MTDH: variants seen among roughly 807,000 people sequenced by gnomAD.
MTDH encodes metadherin, also known as protein LYRIC.
MTDH carries 34 observed loss-of-function variants against 72.7 expected under a neutral mutation model. The ratio of observed to expected loss-of-function variants is 0.47; its 90% CI spans 0.36 to 0.62. MTDH has a LOEUF of 0.62. Among genes scored for constraint, MTDH ranks in the 20% least tolerant of loss-of-function variants. MTDH has a pLI of 0.00. For synonymous variants in MTDH, 266 were observed against 268.9 expected (o/e 0.99, Z 0.10); for missense variants, 677 against 699.4 (o/e 0.97, Z 0.36).
chr8:97,672,493 A>C (rs1179343611), intron 2 of MTDH, among the ~76,000 whole-genome samples: 1 of 152,196 alleles, frequency 6.6e-6, no homozygotes, highest in Non-Finnish European at 1.5e-5. Flanking sequence ...CTTTAAGGTA[A>C]ACAAAGCTAC....
chr8:97,672,309 T>G (rs1225260181), intron 2 of MTDH, among the ~76,000 whole-genome samples: 1 of 152,190 alleles, frequency 6.6e-6, no homozygotes, highest in Non-Finnish European at 1.5e-5. Flanking sequence ...TCCCCCTTCC[T>G]GAACCTATTA....
chr8:97,687,946 A>C (rs933539916), intron 4 of MTDH, among the ~76,000 whole-genome samples: 3 of 152,202 alleles, frequency 2.0e-5, no homozygotes, highest in South Asian at 4.1e-4. Flanking sequence ...TTATTAAATG[A>C]AATGATTTAT....
At chr8:97,660,633 T>G (rs1191472720) in intron 1 of MTDH, among the ~76,000 whole-genome samples, 2 of 152,200 alleles carry the variant, frequency 1.3e-5, no homozygotes, top group Non-Finnish European at 2.9e-5. Context: ...AATAAAATAT[T>G]TTCTATCTGG....
At chr8:97,664,170 A>G (rs1376796694) in intron 2 of MTDH, among the ~76,000 whole-genome samples, 1 of 152,268 alleles carries the variant, frequency 6.6e-6, no homozygotes, top group Non-Finnish European at 1.5e-5. Flanking sequence ...AGCCTGGTCA[A>G]CATGGTGAAA....
rs1405324241 is a variant in MTDH, at chr8:97,689,567, TTTATAA to T, written c.811+465_811+470del. 5.9e-5 allele frequency among the ~76,000 whole-genome samples: 9 copies of T among 152,282 alleles called. 1 individual carries two copies. ...ATTATAGGCTAAAGTTTTTCATTGCTTTATAAATAGAAAATATGTTTTATTTACTCA... is the reference window on the plus strand; with the variant it reads ...ATTATAGGCTAAAGTTTTTCATTGCTATAGAAAATATGTTTTATTTACTCA... On this transcript the variant is annotated intron_variant, in intron 5 of 11. Transcript: ENST00000336273.
intron 2 of MTDH, among the ~76,000 whole-genome samples, chr8:97,681,978 T>C (rs1228285507): frequency 6.6e-6 from 1 of 151,626 alleles, no homozygotes; most frequent in Non-Finnish European, 1.5e-5. Context: ...AGTTTAATTA[T>C]CCACTCAGTT....
rs780663061 is a variant in MTDH, at chr8:97,723,600, G to A, written c.1678+565G>A. 1.5e-3 allele frequency among the ~76,000 whole-genome samples: 217 copies of A among 145,784 alleles called. 2 individuals carry two copies. Among genetic ancestry groups the A allele is most frequent in the African/African-American group, 4.0e-3 (158 of 39,180 alleles). On this transcript the variant is annotated intron_variant, in intron 11 of 11. Coordinates refer to ENST00000336273, the MANE Select transcript of MTDH (RefSeq NM_178812.4). ...CTACTAAAAATACAACAGATTAGCC[G>A]GGCGTGGTGGCAGGCACCTGTAGTC... is the stretch of plus-strand genomic sequence containing the variant.
At chr8:97,646,721 A>G (rs1037892077) in intron 1 of MTDH, among the ~76,000 whole-genome samples, 1 of 152,136 alleles carries the variant, frequency 6.6e-6, no homozygotes, top group Admixed American at 6.5e-5. Flanking sequence ...TTACCCCCTC[A>G]TTTTCATTCG....
At chr8:97,696,585 T>G (rs753794094) in intron 6 of MTDH, among the ~76,000 whole-genome samples, 5 of 152,204 alleles carry the variant, frequency 3.3e-5, no homozygotes, top group Non-Finnish European at 5.9e-5. Context: ...ATTCTTCTGT[T>G]GCTAATGTAG....
In MTDH at chr8:97,691,135, A is replaced by G. The variant is rs781629894; in HGVS notation, c.995A>G (p.Asn332Ser). The change falls in exon 6 of 12, where the codon AAT (asparagine) becomes AGT (serine). Residue 332 changes from asparagine to serine, a missense_variant. By Grantham distance (46) the Asn-to-Ser change is conservative (BLOSUM62 1). Around this residue, in one of 3 missense-constraint regions of MTDH, gnomAD observed 467 missense variants for 469.1 expected, o/e 1.00. Coordinates refer to ENST00000336273, the MANE Select transcript of MTDH (RefSeq NM_178812.4). ...CAAGACACTGGAGATGCTAATACAA[A>G]TGGAAAAGACTGGGGAAGGAGTTGG... is the stretch of plus-strand genomic sequence containing the variant. ...WSQDTGDANT[N>S]GKDWGRSWSD... 2.5e-6 allele frequency: 4 copies of G among 1,613,936 alleles called. No individual in the cohort carries two copies. Among genetic ancestry groups the G allele is most frequent in the Non-Finnish European group, 3.4e-6 (4 of 1,179,868 alleles).
rs140368240 is a variant in MTDH, at chr8:97,683,622, G to C, written c.484-3046G>C. On this transcript the variant is annotated intron_variant, in intron 2 of 11. Coordinates refer to ENST00000336273, the MANE Select transcript of MTDH (RefSeq NM_178812.4). Reference sequence around the variant, plus strand: ...TTGCCCTGGCTGGTCTCATACTCCTGAGCTCAAGTGATCCTCCCACCTCAA... The same window carrying C: ...TTGCCCTGGCTGGTCTCATACTCCTCAGCTCAAGTGATCCTCCCACCTCAA... Among the ~76,000 whole-genome samples the C allele has an allele frequency of 2.6e-4, 40 of 151,510 alleles. No homozygotes were observed. The East Asian group carries it at 6.4e-3, about 24-fold the overall frequency.
chr8:97,690,344 C>T (rs919839403), intron 5 of MTDH, among the ~76,000 whole-genome samples: 1 of 152,074 alleles, frequency 6.6e-6, no homozygotes, highest in Non-Finnish European at 1.5e-5. Flanking sequence ...TCCTTCATGC[C>T]CATGATTCTC....
chr8:97,680,542 C>T (rs1019258326), intron 2 of MTDH, among the ~76,000 whole-genome samples: 2 of 152,138 alleles, frequency 1.3e-5, no homozygotes, highest in Admixed American at 6.5e-5. Context: ...TATACATGTA[C>T]TTAACATATA....
At chr8:97,653,167 A>G (rs968108254) in intron 1 of MTDH, among the ~76,000 whole-genome samples, 1 of 152,198 alleles carries the variant, frequency 6.6e-6, no homozygotes, top group African/African-American at 2.4e-5. Flanking sequence ...AAAAATCCAA[A>G]TTATAAGTAA....
In MTDH at chr8:97,644,215, C is replaced by A. The variant is rs1811461396; in HGVS notation, c.-292C>A. The A allele has an allele frequency of 1.3e-5, 6 of 448,566 alleles. No individual in the cohort carries two copies. The Admixed American group carries it at 2.9e-4, about 21-fold the overall frequency. The allele number at this position is 448,566 out of a possible 1,614,324, so 27.8% of individuals were successfully genotyped here. A position where few individuals can be genotyped will look rare whatever the true frequency, so the allele number is the denominator to read the frequency against. On this transcript the variant is annotated 5_prime_UTR_variant, in exon 1 of 12. Coordinates refer to ENST00000336273, the MANE Select transcript of MTDH (RefSeq NM_178812.4). ...CCATTGTTCCGCCGAGGGAGGACAGCGGGGCCTGGCGCTGGCGCCGAGACG... is the reference window on the plus strand; with the variant it reads ...CCATTGTTCCGCCGAGGGAGGACAGAGGGGCCTGGCGCTGGCGCCGAGACG...
intron 2 of MTDH, among the ~76,000 whole-genome samples, chr8:97,665,107 A>G (rs1812326083): frequency 6.6e-6 from 1 of 152,130 alleles, no homozygotes; most frequent in Non-Finnish European, 1.5e-5. Context: ...ATGCACCTTT[A>G]TATATATTAT....
At chr8:97,714,882 G>A (rs559358870) in intron 9 of MTDH, among the ~76,000 whole-genome samples, 2 of 151,982 alleles carry the variant, frequency 1.3e-5, no homozygotes, top group South Asian at 2.1e-4. Flanking sequence ...CTGGAGTGCA[G>A]TAGTGCGATC....
At chr8:97,712,895 T>C (rs979912585) in intron 8 of MTDH, among the ~76,000 whole-genome samples, 2 of 152,178 alleles carry the variant, frequency 1.3e-5, no homozygotes, top group African/African-American at 4.8e-5. Context: ...TGAGTGTTCC[T>C]TGTATTATAT....
At chr8:97,661,742 A>C (rs1812177311) in intron 2 of MTDH, among the ~76,000 whole-genome samples, 1 of 152,136 alleles carries the variant, frequency 6.6e-6, no homozygotes. Context: ...CAGGAGTTTG[A>C]GATCAGCCTG....
Sources: gnomAD v4.1 joint callset for allele counts (sites outside exome capture counted in the v4.1 genomes callset) on GRCh38, gnomAD v4.1.1 for gene constraint, gnomAD v4.1.1 regional missense constraint, MANE v1.5 for transcripts, NCBI Gene and HGNC (gene_info 2026-07-23, HGNC 2026-07-21) for gene names.